The following PLCB4 variants were observed in gnomAD, a reference collection of about 807,000 sequenced individuals.
PLCB4 encodes the protein phospholipase C beta 4.
Under a neutral mutation model 178.8 loss-of-function variants are expected in PLCB4, and 77 were observed. The observed-to-expected ratio is 0.43, with a 90% CI of 0.36 to 0.52. The LOEUF (loss-of-function observed/expected upper bound fraction) is 0.52. PLCB4 is among the 20% of genes least tolerant of loss of function. PLCB4 has a pLI of 0.00. For synonymous variants in PLCB4, 496 were observed against 490.8 expected, an observed-to-expected ratio of 1.01 and a Z score of -0.14; for missense variants, 1,024 against 1,453.4, an observed-to-expected ratio of 0.70 and a Z score of 4.80.
At chr20:9,471,346 A>G (rs2044176870) in intron 36 of PLCB4, among the ~76,000 whole-genome samples, 1 of 152,190 alleles carries the variant, frequency 6.6e-6, no homozygotes, top group Admixed American at 6.5e-5. Flanking sequence ...GAACATTCAG[A>G]AAAACAAAAG....
At chr20:9,332,669 A>G (rs1042735759) in intron 4 of PLCB4, among the ~76,000 whole-genome samples, 1 of 152,030 alleles carries the variant, frequency 6.6e-6, no homozygotes, top group South Asian at 2.1e-4. Context: ...TATGAGCTGG[A>G]TGGGCACCTG....
At chr20:9,091,978 C>T (rs1370888791) in intron 1 of PLCB4, among the ~76,000 whole-genome samples, 4 of 152,116 alleles carry the variant, frequency 2.6e-5, no homozygotes, top group Admixed American at 2.6e-4. Flanking sequence ...CAAGAGAGAT[C>T]TACAGATAAT....
At chr20:9,227,043 T>G (rs574290648) in intron 3 of PLCB4, among the ~76,000 whole-genome samples, 1 of 152,106 alleles carries the variant, frequency 6.6e-6, no homozygotes, top group Non-Finnish European at 1.5e-5. Context: ...TGGTTTTGCT[T>G]TATATTCCCT....
chr20:9,354,356 A>G (rs908381529), intron 7 of PLCB4, among the ~76,000 whole-genome samples: 5 of 152,226 alleles, frequency 3.3e-5, no homozygotes, highest in Admixed American at 3.3e-4. Flanking sequence ...AAAATAAAAT[A>G]AAACAAGCCT....
At position 9,170,932 on chromosome 20, in the gene PLCB4, A is replaced by C. The variant is rs74633606; in HGVS notation, c.-78-46458A>C. ...TAACATAGCGGTAGGGATATGGTCA[A>C]AATGAATGAGTTATACCAGCACCAT... On this transcript the variant is annotated intron_variant, in intron 2 of 39. Transcript: ENST00000378473. Among the ~76,000 whole-genome samples the C allele has an allele frequency of 5.8e-3, 890 of 152,324 alleles. 11 individuals are homozygous for C. The highest frequency in any genetic ancestry group is 0.021 in the African/African-American group (855 of 41,570).
chr20:9,438,365 T>TAAAA (rs778937148), intron 30 of PLCB4, among the ~76,000 whole-genome samples: 5 of 119,986 alleles, frequency 4.2e-5, no homozygotes, highest in East Asian at 2.2e-4. Flanking sequence ...GACTATATCT[T>TAAAA]AAAAAAAAAA....
intron 3 of PLCB4, among the ~76,000 whole-genome samples, chr20:9,269,286 C>A (rs1409579498): frequency 6.6e-6 from 1 of 152,130 alleles, no homozygotes; most frequent in Non-Finnish European, 1.5e-5. Flanking sequence ...TGGCTATGAC[C>A]TCCCACAGCT....
At chr20:9,293,743 T>C (rs1390842268) in intron 3 of PLCB4, among the ~76,000 whole-genome samples, 1 of 152,144 alleles carries the variant, frequency 6.6e-6, no homozygotes, top group African/African-American at 2.4e-5. Flanking sequence ...GATAAACAAA[T>C]AGCTGTTTAC....
At chr20:9,397,068 G>T (rs2038645763) in intron 19 of PLCB4, among the ~76,000 whole-genome samples, 1 of 152,174 alleles carries the variant, frequency 6.6e-6, no homozygotes, top group Non-Finnish European at 1.5e-5. Context: ...TTTACCCAGA[G>T]CAGAGCTTCT....
At chr20:9,457,665 T>C (rs1426714222) in intron 34 of PLCB4, among the ~76,000 whole-genome samples, 176 bp downstream of exon 34, 24 of 152,188 alleles carry the variant, frequency 1.6e-4, no homozygotes, top group Admixed American at 1.6e-3. Context: ...ACTCACTGGC[T>C]TTAAGAAGAG....
chr20:9,137,656 ATG>A (rs1285256956), intron 2 of PLCB4, among the ~76,000 whole-genome samples: 1 of 144,182 alleles, frequency 6.9e-6, no homozygotes, highest in African/African-American at 2.9e-5. Flanking sequence ...GATTTCTCTC[ATG>A]TGTGCTAATT....
chr20:9,116,010 T>A (rs184829425), intron 2 of PLCB4, among the ~76,000 whole-genome samples: 1 of 152,180 alleles, frequency 6.6e-6, no homozygotes, highest in East Asian at 1.9e-4. Flanking sequence ...AGAGCCAATA[T>A]CGTTTTTTGT....
At chr20:9,306,778 A>G (rs572906784) in intron 3 of PLCB4, among the ~76,000 whole-genome samples, 2 of 152,300 alleles carry the variant, frequency 1.3e-5, no homozygotes, top group South Asian at 2.1e-4. Flanking sequence ...CATGTTGCCA[A>G]CAAGGATGGG....
intron 2 of PLCB4, among the ~76,000 whole-genome samples, chr20:9,201,399 A>G (rs975035305): frequency 6.6e-6 from 1 of 152,288 alleles, no homozygotes; most frequent in Non-Finnish European, 1.5e-5. Context: ...ATTATTTCCT[A>G]TTGCTAAATG....
intron 2 of PLCB4, among the ~76,000 whole-genome samples, chr20:9,099,488 A>G (rs575428348): frequency 6.6e-6 from 1 of 152,350 alleles, no homozygotes; most frequent in South Asian, 2.1e-4. Context: ...AGAAAATTAA[A>G]AATTGAGTTC....
At chr20:9,074,283 G>A (rs1221061801) in intron 1 of PLCB4, among the ~76,000 whole-genome samples, 2 of 152,142 alleles carry the variant, frequency 1.3e-5, no homozygotes, top group Non-Finnish European at 2.9e-5. Context: ...GCTACTACAG[G>A]TGCTCAAAGG....
chr20:9,412,895 A>AC, intron 25 of PLCB4, among the ~76,000 whole-genome samples: 1 of 152,262 alleles, frequency 6.6e-6, no homozygotes, highest in East Asian at 1.9e-4. Flanking sequence ...AATAAAGTCC[A>AC]CTTTACCATG....
upstream of PLCB4, chr20:9,068,809 G>C (rs540456724): frequency 6.6e-6 from 1 of 151,512 alleles, no homozygotes; most frequent in Non-Finnish European, 1.5e-5. Context: ...GGCCCGGAGC[G>C]GGGGACGCGC....
chr20:9,431,367 C>G (rs1052234891), intron 28 of PLCB4, among the ~76,000 whole-genome samples: 4 of 152,150 alleles, frequency 2.6e-5, no homozygotes, highest in African/African-American at 9.7e-5. Context: ...AGCAAAGACC[C>G]TGTTTATAAA....
Sources: allele counts gnomAD v4.1 joint callset (sites outside exome capture counted in the v4.1 genomes callset), GRCh38; gene constraint gnomAD v4.1.1; transcripts MANE v1.5; gene names NCBI Gene and HGNC (gene_info 2026-07-23, HGNC 2026-07-21).